NRSN1: variants seen among roughly 807,000 people sequenced by gnomAD.
NRSN1 encodes the protein neurensin 1.
NRSN1 carries 14 observed loss-of-function variants against 17.3 expected under a neutral mutation model. The ratio of observed to expected loss-of-function variants is 0.81; its 90% confidence interval spans 0.54 to 1.27. NRSN1 has a LOEUF of 1.27. NRSN1 is among the 50% of genes most tolerant of loss of function. The pLI is 0.00. For missense variants in NRSN1, 209 were observed against 235.9 expected (o/e 0.89, Z 0.75); for synonymous variants, 79 against 94.2 (o/e 0.84, Z 0.93).
intron 2 of NRSN1, among the ~76,000 whole-genome samples, chr6:24,130,190 A>C (rs1760007051): frequency 6.6e-6 from 1 of 152,216 alleles, no homozygotes; most frequent in Admixed American, 6.5e-5. Context: ...TGAAATATAG[A>C]CATCAGAAAT....
intron 3 of NRSN1, chr6:24,141,039 T>G: frequency 6.8e-7 from 1 of 1,474,754 alleles, no homozygotes; most frequent in Non-Finnish European, 9.0e-7. Flanking sequence ...GAGGCCCTTC[T>G]CTGTCGCCAT....
Position 24,142,505 on chromosome 6 carries a change from C to T in NRSN1, c.190-3043C>T, listed in dbSNP as rs574064151. Among the ~76,000 whole-genome samples the T allele has an allele frequency of 2.7e-4, 41 of 152,140 alleles. 1 individual carries two copies. Among genetic ancestry groups the T allele is most frequent in the Admixed American group, 1.3e-4 (2 of 15,280 alleles). On this transcript the variant is annotated intron_variant, in intron 3 of 3. Transcript: ENST00000378491. Reference sequence around the variant, plus strand: ...CAGAGTCTCACTCTTGTTGCCCAGGCTGGAGTACAACAATGTGATCTCGGC... The same window carrying T: ...CAGAGTCTCACTCTTGTTGCCCAGGTTGGAGTACAACAATGTGATCTCGGC...
chr6:24,130,410 G>C (rs1290610742), intron 2 of NRSN1, among the ~76,000 whole-genome samples: 2 of 152,024 alleles, frequency 1.3e-5, no homozygotes, highest in East Asian at 3.9e-4. Context: ...CTGTAACATG[G>C]GGACAAAAAG....
chr6:24,145,519 A>C lies in NRSN1; in HGVS notation c.190-29A>C. 6.5e-7 allele frequency: 1 copy of C among 1,542,346 alleles called. No homozygotes were observed. Among genetic ancestry groups the C allele is most frequent in the South Asian group, 1.3e-5 (1 of 79,170 alleles). On this transcript the variant is annotated intron_variant, in intron 3 of 3. Transcript: ENST00000378491. This position sits in a 1 kb window ranked among gnomAD's most constrained non-coding sequence, Gnocchi z 4.4. ...CGAGCCGAAGCACCTTCCTCACTCT[A>C]TCTTGCTTCTGTCATTATCTACCTG...
At chr6:24,136,501 T>G (rs1265362737) in intron 3 of NRSN1, among the ~76,000 whole-genome samples, 3 of 151,908 alleles carry the variant, frequency 2.0e-5, no homozygotes, top group African/African-American at 7.3e-5. Context: ...TTGGCACATC[T>G]TGTATTTACC....
intron 3 of NRSN1, chr6:24,141,055 T>C (rs1043556399): frequency 4.8e-6 from 7 of 1,466,192 alleles, no homozygotes; most frequent in East Asian, 5.5e-5. Flanking sequence ...GCCATTGGGA[T>C]TGGCCTTACC....
rs1370764990 is a variant in NRSN1, at chr6:24,146,007, A to T, written c.*61A>T. On this transcript the variant is annotated 3_prime_UTR_variant, in exon 4 of 4. Coordinates refer to ENST00000378491, the MANE Select transcript of NRSN1 (RefSeq NM_080723.5). ...TGCCCGTGGTTAAAAAGAGCAGGCC[A>T]GTTTTCGAGATAAAGAAGATTTGGC... The T allele has an allele frequency of 6.6e-7, 1 of 1,515,594 alleles. No homozygotes were observed. Among genetic ancestry groups the T allele is most frequent in the Non-Finnish European group, 9.0e-7 (1 of 1,110,296 alleles). The allele number at this position is 1,515,594 out of a possible 1,614,324, so 93.9% of individuals were successfully genotyped here.
At position 24,145,929 on chromosome 6, in the gene NRSN1, C is replaced by T. The variant is rs753005326; in HGVS notation, c.571C>T (p.Pro191Ser). The change falls in exon 4 of 4, where the codon CCT (proline) becomes TCT (serine). Residue 191 changes from proline (P) to serine (S), a missense_variant. Coordinates refer to ENST00000378491, the MANE Select transcript of NRSN1 (RefSeq NM_080723.5). This position sits in a 1 kb window ranked among gnomAD's most constrained non-coding sequence, Gnocchi z 4.4. ...TTTGTCCAGGGTTCAAAATGTCCAG[C>T]CTCTACTGGCAACCTGAAACCTTTC... ...VTLSRVQNVQPLLAT is the reference protein window; with the variant it reads ...VTLSRVQNVQSLLAT 6.2e-7 allele frequency: 1 copy of T among 1,607,630 alleles called. No individual in the cohort carries two copies. The highest frequency in any genetic ancestry group is 1.1e-5 in the South Asian group (1 of 90,006).
intron 3 of NRSN1, 24 bp downstream of exon 3, chr6:24,134,540 C>A (rs753827407): frequency 2.5e-6 from 4 of 1,601,774 alleles, no homozygotes; most frequent in Admixed American, 1.7e-5. Context: ...ATGTGTTTAA[C>A]TTAGGGAATG....
At chr6:24,142,563 G>A (rs993902243) in intron 3 of NRSN1, among the ~76,000 whole-genome samples, 4 of 152,076 alleles carry the variant, frequency 2.6e-5, no homozygotes, top group Non-Finnish European at 5.9e-5. Flanking sequence ...AGGTTCAAGT[G>A]ATTCTCCTGC....
In NRSN1 at chr6:24,145,098, A is replaced by G. The variant is rs1760280149; in HGVS notation, c.190-450A>G. The stretch of plus-strand genomic sequence containing the variant: ...ATAATATATATTATATATTTTATAT[A>G]TATCTTTAGATATATATATAATATA... On this transcript the variant is annotated intron_variant, in intron 3 of 3. Coordinates refer to ENST00000378491, the MANE Select transcript of NRSN1 (RefSeq NM_080723.5). The surrounding 1 kb of genome is among the most constrained non-coding windows in gnomAD (Gnocchi z 4.4). Among the ~76,000 whole-genome samples, 1 of 145,026 alleles carries G rather than the reference A, an allele frequency of 6.9e-6. No individual in the cohort carries two copies. Among genetic ancestry groups the G allele is most frequent in the Non-Finnish European group, 1.5e-5 (1 of 66,412 alleles).
intron 3 of NRSN1, among the ~76,000 whole-genome samples, chr6:24,141,839 A>G (rs566565927): frequency 6.6e-6 from 1 of 152,308 alleles, no homozygotes; most frequent in Non-Finnish European, 1.5e-5. Context: ...TCAGGCTGGA[A>G]TAAGAGCTGT....
chr6:24,132,323 T>C (rs557538135), intron 2 of NRSN1, among the ~76,000 whole-genome samples: 3 of 152,346 alleles, frequency 2.0e-5, no homozygotes, highest in East Asian at 3.9e-4. Context: ...ACTGGCCACA[T>C]ATAGGCATTT....
intron 2 of NRSN1, among the ~76,000 whole-genome samples, chr6:24,130,335 T>A (rs1936390): frequency 0.94 from 142,727 of 152,286 alleles, 67,177 homozygotes; most frequent in Non-Finnish European, 0.98. Context: ...GACTTTATGA[T>A]GTGACCTCAC....
intron 3 of NRSN1, among the ~76,000 whole-genome samples, chr6:24,137,043 T>C (rs1380902656): frequency 6.6e-6 from 1 of 152,248 alleles, no homozygotes; most frequent in East Asian, 1.9e-4. Context: ...TGATTCTTTT[T>C]CATGTTTTTT....
At chr6:24,141,691 T>C (rs568106570) in intron 3 of NRSN1, among the ~76,000 whole-genome samples, 16 of 152,362 alleles carry the variant, frequency 1.1e-4, no homozygotes, top group African/African-American at 3.8e-4. Context: ...TTTTAGCTTC[T>C]GAATGATAGT....
In NRSN1 at chr6:24,146,141, C is replaced by T; in HGVS notation, c.*195C>T. ...GGGCGGTGCCATGCCTAAGCCTGTGCACATGCATCCAGCTGCTTAAGATGG... is the reference window on the plus strand; with the variant it reads ...GGGCGGTGCCATGCCTAAGCCTGTGTACATGCATCCAGCTGCTTAAGATGG... On this transcript the variant is annotated 3_prime_UTR_variant, in exon 4 of 4. Coordinates refer to ENST00000378491, the MANE Select transcript of NRSN1 (RefSeq NM_080723.5). 1.4e-6 allele frequency: 1 copy of T among 719,930 alleles called. No individual in the cohort carries two copies. Among genetic ancestry groups the T allele is most frequent in the Non-Finnish European group, 2.6e-6 (1 of 388,612 alleles). The allele number at this position is 719,930 out of a possible 1,614,324, so 44.6% of individuals were successfully genotyped here. A position where few individuals can be genotyped will look rare whatever the true frequency, so the allele number is the denominator to read the frequency against.
intron 3 of NRSN1, among the ~76,000 whole-genome samples, chr6:24,136,099 G>A (rs1341487891): frequency 6.6e-6 from 1 of 152,102 alleles, no homozygotes; most frequent in Non-Finnish European, 1.5e-5. Flanking sequence ...GTAACCCTGG[G>A]CAAATTAATT....
At position 24,142,237 on chromosome 6, in the gene NRSN1, T is replaced by G. The variant is rs1055365506; in HGVS notation, c.190-3311T>G. Among the ~76,000 whole-genome samples, 3 of 144,598 alleles carry G rather than the reference T, an allele frequency of 2.1e-5. No individual in the cohort carries two copies. In the Admixed American group the frequency reaches 2.1e-4, roughly 10 times the overall value. The allele number at this position is 144,598 out of a possible 152,430, so 94.9% of individuals were successfully genotyped here. On this transcript the variant is annotated intron_variant, in intron 3 of 3. Coordinates refer to ENST00000378491, the MANE Select transcript of NRSN1 (RefSeq NM_080723.5). The stretch of plus-strand genomic sequence containing the variant: ...TTTCAGAAGACATCCTATTGACTCT[T>G]TTTCAGTTTCCTTACAATATGAGAT...
Sources: gnomAD v4.1 joint callset for allele counts (sites outside exome capture counted in the v4.1 genomes callset) on GRCh38, gnomAD v4.1.1 for gene constraint, Gnocchi (gnomAD v3.1) non-coding constraint, MANE v1.5 for transcripts, NCBI Gene and HGNC (gene_info 2026-07-23, HGNC 2026-07-21) for gene names.